Variants in DLGAP2 observed in about 807,000 individuals in gnomAD.
The protein encoded by DLGAP2 is disks large-associated protein 2.
Under a neutral mutation model 100.3 loss-of-function variants are expected in DLGAP2, and 26 were observed. The ratio of observed to expected loss-of-function variants is 0.26; its 90% confidence interval spans 0.19 to 0.36. DLGAP2 has a LOEUF of 0.36. Among genes scored for constraint, DLGAP2 ranks in the 10% least tolerant of loss-of-function variants. The probability of loss-of-function intolerance (pLI) is 1.00; values close to 1 mark genes in which losing one functional copy is unlikely to be tolerated. For missense variants in DLGAP2, 1,858 were observed against 1,453.2 expected, an observed-to-expected ratio of 1.28 and a Z score of -4.53; for synonymous variants, 886 against 630.1, an observed-to-expected ratio of 1.41 and a Z score of -6.08.
Position 974,179 on chromosome 8 carries a change from G to A in DLGAP2, c.73+66213G>A, listed in dbSNP as rs147370747. ...CATATCCAGGAAGCTAAAAGAACCA[G>A]CAAGATATATATTAAAAATCCACAA... On this transcript the variant is annotated intron_variant, in intron 2 of 14. Coordinates refer to ENST00000637795, the MANE Select transcript of DLGAP2 (RefSeq NM_001346810.2). 1.4e-3 allele frequency among the ~76,000 whole-genome samples: 215 copies of A among 152,236 alleles called. 1 individual carries two copies. Among genetic ancestry groups the A allele is most frequent in the African/African-American group, 5.0e-3 (209 of 41,546 alleles).
chr8:1,514,067 C>T (rs995873013), intron 4 of DLGAP2, among the ~76,000 whole-genome samples: 2 of 152,240 alleles, frequency 1.3e-5, no homozygotes, highest in African/African-American at 2.4e-5. Context: ...TGAGCGCCCA[C>T]CACTCTGGAG....
At chr8:932,685 C>T (rs1798985196) in intron 2 of DLGAP2, among the ~76,000 whole-genome samples, 1 of 152,092 alleles carries the variant, frequency 6.6e-6, no homozygotes, top group South Asian at 2.1e-4. Flanking sequence ...AAAAAAATTA[C>T]ATGAAAGACA....
intron 3 of DLGAP2, chr8:1,302,544 G>C (rs182350267): frequency 6.6e-6 from 1 of 151,848 alleles, no homozygotes; most frequent in Non-Finnish European, 1.5e-5. Context: ...CCCGGGACTG[G>C]ACTCAGTATT....
At position 1,540,271 on chromosome 8, in the gene DLGAP2, T is replaced by C. The variant is rs563281208; in HGVS notation, c.173-8355T>C. On this transcript the variant is annotated intron_variant, in intron 4 of 14. Coordinates refer to ENST00000637795, the MANE Select transcript of DLGAP2 (RefSeq NM_001346810.2). ...TGCCCCGCGTTTTTTAGAGTGTTTGTCACTGTCTGACGTTTGCCTGTTTAT... is the reference window on the plus strand; with the variant it reads ...TGCCCCGCGTTTTTTAGAGTGTTTGCCACTGTCTGACGTTTGCCTGTTTAT... Among the ~76,000 whole-genome samples, 5 of 152,330 alleles carry C rather than the reference T, an allele frequency of 3.3e-5. No homozygotes were observed. The South Asian group carries it at 1.0e-3, about 32-fold the overall frequency.
At chr8:1,552,669 A>C (rs890687255) in intron 5 of DLGAP2, among the ~76,000 whole-genome samples, 1 of 152,224 alleles carries the variant, frequency 6.6e-6, no homozygotes, top group African/African-American at 2.4e-5. Flanking sequence ...TGTGGGTCCT[A>C]GTGTACGGAT....
At chr8:1,304,153 G>A (rs565728475) in intron 3 of DLGAP2, among the ~76,000 whole-genome samples, 2 of 152,342 alleles carry the variant, frequency 1.3e-5, no homozygotes, top group African/African-American at 4.8e-5. Flanking sequence ...CCACTGGAAT[G>A]TTCCATGGGA....
chr8:978,669 G>A (rs1348330867), intron 2 of DLGAP2, among the ~76,000 whole-genome samples: 2 of 151,728 alleles, frequency 1.3e-5, no homozygotes, highest in Admixed American at 6.6e-5. Context: ...GGTCTTTGGT[G>A]TTGTGGGGAG....
chr8:889,643 T>C (rs987599527), intron 1 of DLGAP2, among the ~76,000 whole-genome samples: 1 of 152,198 alleles, frequency 6.6e-6, no homozygotes, highest in Non-Finnish European at 1.5e-5. Context: ...CTGGCTCCAG[T>C]AGGGGAAGAG....
At chr8:919,944 T>C (rs1393600184) in intron 2 of DLGAP2, among the ~76,000 whole-genome samples, 1 of 152,100 alleles carries the variant, frequency 6.6e-6, no homozygotes, top group African/African-American at 2.4e-5. Flanking sequence ...TGTCTATAAC[T>C]AGCATTGGGG....
chr8:1,389,776 C>T (rs1292839644), intron 3 of DLGAP2, among the ~76,000 whole-genome samples: 1 of 152,186 alleles, frequency 6.6e-6, no homozygotes, highest in South Asian at 2.1e-4. Context: ...ACAGGTACAA[C>T]CCCGGGCGGA....
At chr8:1,119,408 G>C (rs1446792685) in intron 2 of DLGAP2, among the ~76,000 whole-genome samples, 1 of 152,246 alleles carries the variant, frequency 6.6e-6, no homozygotes, top group Non-Finnish European at 1.5e-5. Flanking sequence ...AGTGCGTCAT[G>C]TGAGTGCTGG....
chr8:1,697,362 G>T, intron 14 of DLGAP2, 63 bp downstream of exon 14: 1 of 1,519,932 alleles, frequency 6.6e-7, no homozygotes, highest in Non-Finnish European at 8.8e-7. Flanking sequence ...CTAACGACCT[G>T]CTGCAGATAG....
chr8:1,021,894 C>A (rs139712240), intron 2 of DLGAP2, among the ~76,000 whole-genome samples: 4 of 152,102 alleles, frequency 2.6e-5, no homozygotes, highest in African/African-American at 9.7e-5. Context: ...GTTTGTTCCA[C>A]GACCATCTCC....
intron 2 of DLGAP2, among the ~76,000 whole-genome samples, chr8:981,088 C>T (rs1800318493): frequency 1.3e-5 from 2 of 152,242 alleles, no homozygotes; most frequent in African/African-American, 4.8e-5. Flanking sequence ...CTGTCCCCTG[C>T]CCCAGACCCT....
intron 2 of DLGAP2, among the ~76,000 whole-genome samples, chr8:1,222,162 T>C (rs570746251): frequency 7.2e-5 from 11 of 152,236 alleles, no homozygotes; most frequent in Non-Finnish European, 1.5e-4. Context: ...CACTGGCTTT[T>C]AGAGTTACCA....
At chr8:1,434,517 C>T (rs1395152260) in intron 3 of DLGAP2, among the ~76,000 whole-genome samples, 1 of 151,944 alleles carries the variant, frequency 6.6e-6, no homozygotes, top group Non-Finnish European at 1.5e-5. Context: ...CACTCTGTTT[C>T]CCAGCCTGGA....
At chr8:1,321,413 A>G (rs1334227606) in intron 3 of DLGAP2, among the ~76,000 whole-genome samples, 3 of 147,232 alleles carry the variant, frequency 2.0e-5, no homozygotes, top group South Asian at 2.2e-4. Flanking sequence ...GCATGCATCC[A>G]TGTGTCTGTG....
intron 4 of DLGAP2, among the ~76,000 whole-genome samples, chr8:1,506,139 T>C (rs1015228765): frequency 2.0e-5 from 3 of 152,192 alleles, no homozygotes; most frequent in Non-Finnish European, 4.4e-5. Flanking sequence ...TTTAATCATC[T>C]CCACAGCATT....
At chr8:1,240,025 ATGGCGCCGTGTC>A (rs1798750310) in intron 2 of DLGAP2, among the ~76,000 whole-genome samples, 4 of 150,568 alleles carry the variant, frequency 2.7e-5, no homozygotes, top group Non-Finnish European at 4.4e-5. Context: ...GTTCTCTCAC[ATGGCGCCGTGTC>A]TAGTTCTCTC....
Sources: gnomAD v4.1 joint callset for allele counts (sites outside exome capture counted in the v4.1 genomes callset) on GRCh38, gnomAD v4.1.1 for gene constraint, MANE v1.5 for transcripts, NCBI Gene and HGNC (gene_info 2026-07-23, HGNC 2026-07-21) for gene names.